TOX: variants seen among roughly 807,000 people sequenced by gnomAD.
The protein encoded by TOX is thymocyte selection associated high mobility group box, also known as thymocyte selection-associated high mobility group box protein TOX.
Under a neutral mutation model 53.7 loss-of-function variants are expected in TOX, and 11 were observed. The ratio of observed to expected loss-of-function variants is 0.20; its 90% CI spans 0.13 to 0.34. The LOEUF (loss-of-function observed/expected upper bound fraction) is 0.34, where lower values mean the gene tolerates loss of function less well. TOX is among the 10% of genes least tolerant of loss of function. TOX has a pLI of 1.00. For synonymous variants in TOX, 225 were observed against 245.3 expected (o/e 0.92, Z 0.77); for missense variants, 570 against 664.6 (o/e 0.86, Z 1.56).
intron 1 of TOX, among the ~76,000 whole-genome samples, chr8:59,057,866 A>G (rs778078156): frequency 1.1e-4 from 17 of 152,070 alleles, no homozygotes; most frequent in Non-Finnish European, 1.5e-5. Flanking sequence ...AGTTTTTTGG[A>G]TACAGAGTCT....
chr8:58,921,250 T>C (rs1363448186), intron 3 of TOX, among the ~76,000 whole-genome samples: 1 of 152,240 alleles, frequency 6.6e-6, no homozygotes, highest in African/African-American at 2.4e-5. Context: ...ATGGCTGTTT[T>C]TGAAACTTGA....
At chr8:59,060,393 C>T (rs1381900381) in intron 1 of TOX, among the ~76,000 whole-genome samples, 1 of 152,190 alleles carries the variant, frequency 6.6e-6, no homozygotes, top group East Asian at 1.9e-4. Context: ...TTTGGGAGGC[C>T]AAGGCGGGCA....
chr8:58,985,146 T>C (rs935942825), intron 1 of TOX, among the ~76,000 whole-genome samples: 2 of 150,122 alleles, frequency 1.3e-5, no homozygotes, highest in Non-Finnish European at 3.0e-5. Flanking sequence ...TATAGATATA[T>C]ATCTATATCT....
chr8:58,815,202 A>T, intron 7 of TOX, 136 bp downstream of exon 7: 1 of 1,157,198 alleles, frequency 8.6e-7, no homozygotes. Flanking sequence ...GAATATCTTT[A>T]GTGCTCTCTT....
At chr8:58,838,391 C>T in intron 4 of TOX, 80 bp from the exon 5 acceptor site, 4 of 1,118,576 alleles carry the variant, frequency 3.6e-6, no homozygotes, top group Non-Finnish European at 5.3e-6. Context: ...TCCTTTGAGA[C>T]TTAGACACAT....
chr8:58,952,431 A>T (rs1812636360), intron 2 of TOX, among the ~76,000 whole-genome samples: 1 of 152,248 alleles, frequency 6.6e-6, no homozygotes, highest in Non-Finnish European at 1.5e-5. Context: ...TATAATTGCA[A>T]AATTTAACAG....
rs186831607 is a variant in TOX at position 59,100,883 on chromosome 8, A to T, written c.102+18003T>A. 4.6e-5 allele frequency among the ~76,000 whole-genome samples: 7 copies of T among 152,326 alleles called. No individual in the cohort carries two copies. In the East Asian group the frequency reaches 1.3e-3, roughly 29 times the overall value. ...TTTATTTTTGAATGATACCTAGTTC[A>T]AATTTCCAAAGATTTAAATATTTGC... On this transcript the variant is annotated intron_variant, in intron 1 of 8. Transcript: ENST00000361421.
At chr8:58,918,909 C>T in intron 3 of TOX, among the ~76,000 whole-genome samples, 1 of 151,918 alleles carries the variant, frequency 6.6e-6, no homozygotes, top group East Asian at 1.9e-4. Flanking sequence ...TATACACCAA[C>T]AACCGGCAAA....
chr8:58,817,738 A>C (rs1810205163), intron 6 of TOX, among the ~76,000 whole-genome samples: 1 of 152,218 alleles, frequency 6.6e-6, no homozygotes, highest in African/African-American at 2.4e-5. Context: ...CATATTTATA[A>C]AAATGGATAC....
intron 1 of TOX, among the ~76,000 whole-genome samples, chr8:59,004,049 G>A (rs912465133): frequency 1.3e-5 from 2 of 152,188 alleles, no homozygotes; most frequent in African/African-American, 4.8e-5. Flanking sequence ...ATTGATTCAA[G>A]AGCAGAATCT....
intron 1 of TOX, among the ~76,000 whole-genome samples, chr8:59,049,221 C>A (rs1412215499): frequency 6.6e-6 from 1 of 152,074 alleles, no homozygotes; most frequent in Admixed American, 6.6e-5. Flanking sequence ...ACCAAAAAAT[C>A]AGTTAATTAA....
chr8:59,012,919 G>T (rs1237953078), intron 1 of TOX, among the ~76,000 whole-genome samples: 2 of 144,722 alleles, frequency 1.4e-5, no homozygotes, highest in Non-Finnish European at 3.0e-5. Context: ...GTTCCCATAG[G>T]TTAAAAAAAA....
chr8:59,034,553 CCTGT>C (rs1227501566), intron 1 of TOX, among the ~76,000 whole-genome samples: 2 of 152,048 alleles, frequency 1.3e-5, no homozygotes, highest in African/African-American at 4.8e-5. Flanking sequence ...ATGGCTTGGT[CCTGT>C]CTGTCTGATG....
chr8:58,925,463 G>A (rs1315255294), intron 3 of TOX, among the ~76,000 whole-genome samples: 4 of 152,198 alleles, frequency 2.6e-5, no homozygotes, highest in Non-Finnish European at 4.4e-5. Context: ...CAAGGAAGTG[G>A]AGAATCTATA....
chr8:58,899,178 G>C (rs1337403760), intron 3 of TOX, among the ~76,000 whole-genome samples: 2 of 152,208 alleles, frequency 1.3e-5, no homozygotes, highest in African/African-American at 2.4e-5. Flanking sequence ...GTAAGGTACA[G>C]GCTAACATAA....
chr8:58,907,449 C>T (rs1407830128), intron 3 of TOX, among the ~76,000 whole-genome samples: 1 of 152,104 alleles, frequency 6.6e-6, no homozygotes, highest in Admixed American at 6.6e-5. Context: ...CAAAAATTAA[C>T]TGAGCTGTGA....
At chr8:58,901,218 A>C (rs1811729833) in intron 3 of TOX, among the ~76,000 whole-genome samples, 1 of 152,208 alleles carries the variant, frequency 6.6e-6, no homozygotes, top group African/African-American at 2.4e-5. Flanking sequence ...AGTCCATGGA[A>C]CTCAAATAAT....
chr8:58,995,651 T>A (rs1206687713), intron 1 of TOX, among the ~76,000 whole-genome samples: 1 of 152,156 alleles, frequency 6.6e-6, no homozygotes, highest in Non-Finnish European at 1.5e-5. Flanking sequence ...AGTGATTACC[T>A]CCAAAATGGA....
At chr8:58,841,365 A>T (rs1810638232) in intron 4 of TOX, among the ~76,000 whole-genome samples, 1 of 152,206 alleles carries the variant, frequency 6.6e-6, no homozygotes, top group African/African-American at 2.4e-5. Context: ...ATGGTCCCTG[A>T]TACGTAGTAA....
Sources: allele counts gnomAD v4.1 joint callset (sites outside exome capture counted in the v4.1 genomes callset), GRCh38; gene constraint gnomAD v4.1.1; transcripts MANE v1.5; gene names NCBI Gene and HGNC (gene_info 2026-07-23, HGNC 2026-07-21).